NHS: variants seen among roughly 807,000 people sequenced by gnomAD.
The protein encoded by NHS is NHS actin remodeling regulator.
In NHS, 5 loss-of-function variants were observed where a neutral mutation model predicts 72.5. The ratio of observed to expected loss-of-function variants is 0.07; its 90% CI spans 0.04 to 0.14. NHS has a LOEUF of 0.14. Among genes scored for constraint, NHS ranks in the 10% least tolerant of loss-of-function variants. The pLI, the probability that NHS is intolerant of heterozygous loss-of-function variation, is 1.00. For missense variants in NHS, 1,072 were observed against 1,355.7 expected (o/e 0.79, Z 3.29); for synonymous variants, 464 against 547.7 (o/e 0.85, Z 2.13).
intron 1 of NHS, among the ~76,000 whole-genome samples, chrX:17,577,558 G>C: frequency 9.0e-6 from 1 of 111,370 alleles, no homozygotes; most frequent in Non-Finnish European, 1.9e-5. Flanking sequence ...TTTAACATTT[G>C]ATCTAAAGTG....
intron 1 of NHS, among the ~76,000 whole-genome samples, chrX:17,523,930 G>C (rs1220248248): frequency 2.7e-5 from 3 of 111,269 alleles, no homozygotes; most frequent in Non-Finnish European, 5.6e-5. Flanking sequence ...CATCTCAAAA[G>C]AAGCTAAGAG....
chrX:17,417,319 G>A (rs751962968), intron 1 of NHS, among the ~76,000 whole-genome samples: 2 of 111,925 alleles, frequency 1.8e-5, no homozygotes, highest in Admixed American at 1.9e-4. Flanking sequence ...TAATTTACAA[G>A]AACATATTTT....
At chrX:17,612,436 G>T (rs2065716117) in intron 1 of NHS, among the ~76,000 whole-genome samples, 1 of 110,421 alleles carries the variant, frequency 9.1e-6, no homozygotes, top group Admixed American at 9.7e-5. Flanking sequence ...TCCAGGTCCA[G>T]CTGGGTGACA....
At position 17,516,567 on chromosome X, in the gene NHS, ACGCG is replaced by A. The variant is rs1267111849; in HGVS notation, c.565+140247_565+140250del. Among the ~76,000 whole-genome samples the A allele has an allele frequency of 6.8e-3, 572 of 83,934 alleles. 5 individuals carry two copies. The highest frequency in any genetic ancestry group is 0.025 in the African/African-American group (544 of 21,982). The allele number at this position is 83,934 out of a possible 115,157, so 72.9% of individuals were successfully genotyped here. ...GGGATTTAACTTACAACACACACAC[ACGCG>A]CACACACACACACACACACACACAC... On this transcript the variant is annotated intron_variant, in intron 1 of 8. Transcript: ENST00000676302.
At chrX:17,412,619 G>C (rs1212779751) in intron 1 of NHS, among the ~76,000 whole-genome samples, 1 of 111,256 alleles carries the variant, frequency 9.0e-6, no homozygotes, top group Non-Finnish European at 1.9e-5. Flanking sequence ...GAGAGAGAGA[G>C]AGAAAACAAA....
At chrX:17,650,216 T>C (rs2065924614) in intron 1 of NHS, among the ~76,000 whole-genome samples, 1 of 112,432 alleles carries the variant, frequency 8.9e-6, no homozygotes, top group Non-Finnish European at 1.9e-5. Context: ...ACAGAACATA[T>C]TACTTCCCTT....
At chrX:17,600,745 G>A (rs1405550764) in intron 1 of NHS, among the ~76,000 whole-genome samples, 1 of 110,892 alleles carries the variant, frequency 9.0e-6, no homozygotes, top group Non-Finnish European at 1.9e-5. Flanking sequence ...GTGGGGGAGG[G>A]AGGAAAGGAA....
chrX:17,387,289 A>G (rs2064415745), intron 1 of NHS, among the ~76,000 whole-genome samples: 1 of 112,010 alleles, frequency 8.9e-6, no homozygotes, highest in African/African-American at 3.2e-5. Context: ...CTCCCGGTGT[A>G]ATTACCCTAC....
chrX:17,433,116 C>G (rs1359153861), intron 1 of NHS, among the ~76,000 whole-genome samples: 5 of 108,870 alleles, frequency 4.6e-5, no homozygotes, highest in Middle Eastern at 4.7e-3. Flanking sequence ...TGCAAGCTCT[C>G]CCTCCCAGGT....
intron 1 of NHS, among the ~76,000 whole-genome samples, chrX:17,525,787 G>C (rs138614840): frequency 0.013 from 1,415 of 110,320 alleles, 29 homozygotes; most frequent in African/African-American, 0.044. Context: ...TAAGAACAAA[G>C]GACTAATGGG....
chrX:17,705,866 C>G (rs2066292370), intron 3 of NHS, among the ~76,000 whole-genome samples: 1 of 111,893 alleles, frequency 8.9e-6, no homozygotes, highest in East Asian at 2.8e-4. Context: ...GAAGGACATT[C>G]TATAAAATAA....
At chrX:17,641,090 C>G (rs2065878582) in intron 1 of NHS, among the ~76,000 whole-genome samples, 1 of 112,535 alleles carries the variant, frequency 8.9e-6, no homozygotes, top group Admixed American at 9.4e-5. Context: ...CCTCTCTCCA[C>G]TGAGTTTCTA....
intron 8 of NHS, among the ~76,000 whole-genome samples, chrX:17,731,084 T>G (rs1184538835): frequency 9.0e-6 from 1 of 111,320 alleles, no homozygotes; most frequent in African/African-American, 3.3e-5. Context: ...TCCACTTGCT[T>G]TCTCTGGTAT....
intron 1 of NHS, among the ~76,000 whole-genome samples, chrX:17,638,485 T>C: frequency 8.9e-6 from 1 of 112,118 alleles, no homozygotes. Flanking sequence ...CCATTGGTTT[T>C]TCTATGTGGG....
At chrX:17,541,532 A>T (rs2065262809) in intron 1 of NHS, among the ~76,000 whole-genome samples, 1 of 111,434 alleles carries the variant, frequency 9.0e-6, no homozygotes, top group South Asian at 3.8e-4. Flanking sequence ...AATGTTGATA[A>T]TGATAATGAT....
intron 1 of NHS, among the ~76,000 whole-genome samples, chrX:17,494,158 A>G (rs1484893272): frequency 1.0e-5 from 1 of 99,095 alleles, no homozygotes; most frequent in Non-Finnish European, 2.0e-5. Context: ...AGCTCACTGC[A>G]GCCTCTGCCT....
intron 1 of NHS, among the ~76,000 whole-genome samples, chrX:17,646,134 G>A (rs2065904901): frequency 9.0e-6 from 1 of 111,197 alleles, no homozygotes; most frequent in African/African-American, 3.3e-5. Flanking sequence ...TAGGAACAGA[G>A]TCTCACTATT....
intron 1 of NHS, among the ~76,000 whole-genome samples, chrX:17,575,918 C>T (rs1391589359): frequency 2.7e-5 from 3 of 111,978 alleles, no homozygotes; most frequent in Non-Finnish European, 5.6e-5. Flanking sequence ...CAGACACGAG[C>T]AAAGGCCTGT....
chrX:17,500,684 C>T lies in NHS; in HGVS notation c.565+124362C>T, dbSNP rs1280807706. Among the ~76,000 whole-genome samples the T allele has an allele frequency of 3.6e-5, 4 of 111,890 alleles. No individual in the cohort carries two copies. The Admixed American group carries it at 3.8e-4, about 11-fold the overall frequency. ...AGCGGTAACTTGATGGAAGACTTTACGCCTCTGCACATACTGTCAGATGCT... is the reference window on the plus strand; with the variant it reads ...AGCGGTAACTTGATGGAAGACTTTATGCCTCTGCACATACTGTCAGATGCT... On this transcript the variant is annotated intron_variant, in intron 1 of 8. Transcript: ENST00000676302.
Sources: allele counts gnomAD v4.1 joint callset (sites outside exome capture counted in the v4.1 genomes callset), GRCh38; gene constraint gnomAD v4.1.1; transcripts MANE v1.5; gene names NCBI Gene and HGNC (gene_info 2026-07-23, HGNC 2026-07-21).